Variants in STK3 observed in about 807,000 individuals in gnomAD.
The protein encoded by STK3 is serine/threonine-protein kinase 3.
A neutral mutation model predicts 58.0 loss-of-function variants in STK3; 41 were observed. That is an observed-to-expected ratio of 0.71 (90% CI 0.55 to 0.92). The LOEUF is 0.92. Among genes scored for constraint, STK3 ranks in the 40% least tolerant of loss-of-function variants. The probability of loss-of-function intolerance (pLI) is 0.00; values close to 1 mark genes in which losing one functional copy is unlikely to be tolerated. For missense variants in STK3, 479 were observed against 602.7 expected (o/e 0.79, Z 2.15); for synonymous variants, 170 against 191.0 (o/e 0.89, Z 0.91).
At chr8:98,584,946 GT>G (rs1310265665) in intron 7 of STK3, among the ~76,000 whole-genome samples, 2 of 150,758 alleles carry the variant, frequency 1.3e-5, no homozygotes, top group African/African-American at 2.4e-5. Flanking sequence ...TGATGGGGTT[GT>G]TTTTTTCTTG....
chr8:98,654,020 G>A (rs1174802105), intron 6 of STK3, among the ~76,000 whole-genome samples: 5 of 152,182 alleles, frequency 3.3e-5, no homozygotes, highest in South Asian at 2.1e-4. Context: ...GCCTGACAGA[G>A]ACACAACCAA....
At chr8:98,928,443 C>T (rs1183572957) in intron 1 of STK3, among the ~76,000 whole-genome samples, 5 of 152,198 alleles carry the variant, frequency 3.3e-5, no homozygotes, top group Admixed American at 6.5e-5. Flanking sequence ...TAAAATATAC[C>T]TATGCATCTC....
intron 1 of STK3, among the ~76,000 whole-genome samples, chr8:98,818,537 AAT>A (rs1491206314): frequency 2.3e-5 from 3 of 133,264 alleles, no homozygotes; most frequent in Non-Finnish European, 4.8e-5. Context: ...ATAAATTATA[AAT>A]GTGTGTGTGT....
At chr8:98,585,936 A>G (rs1314340933) in intron 7 of STK3, among the ~76,000 whole-genome samples, 2 of 152,050 alleles carry the variant, frequency 1.3e-5, no homozygotes, top group Non-Finnish European at 2.9e-5. Flanking sequence ...TGATTTTTGC[A>G]CATTGATTTT....
intron 6 of STK3, among the ~76,000 whole-genome samples, chr8:98,655,717 C>T (rs1405251051): frequency 1.3e-5 from 2 of 151,684 alleles, no homozygotes; most frequent in Non-Finnish European, 2.9e-5. Flanking sequence ...TTTATGCAGC[C>T]AAAAAACACA....
At chr8:98,378,531 T>C (rs966165502) in intron 2 of STK3, among the ~76,000 whole-genome samples, 8 of 152,220 alleles carry the variant, frequency 5.3e-5, no homozygotes, top group African/African-American at 1.4e-4. Context: ...ATCTCTAGGA[T>C]GGATAAAAGA....
At chr8:98,500,206 G>C (rs1823462776) in intron 10 of STK3, among the ~76,000 whole-genome samples, 1 of 151,974 alleles carries the variant, frequency 6.6e-6, no homozygotes, top group Non-Finnish European at 1.5e-5. Context: ...AAACAGATAA[G>C]AGAGAAAAGA....
intron 1 of STK3, among the ~76,000 whole-genome samples, chr8:98,893,534 AAG>A (rs1838335146): frequency 6.7e-6 from 1 of 149,124 alleles, no homozygotes; most frequent in South Asian, 2.2e-4. Flanking sequence ...GAAAGAAAGA[AAG>A]AAAAAGAAAG....
At chr8:98,718,607 C>T (rs1273381464) in intron 4 of STK3, among the ~76,000 whole-genome samples, 1 of 151,980 alleles carries the variant, frequency 6.6e-6, no homozygotes, top group Non-Finnish European at 1.5e-5. Flanking sequence ...AAAATATACA[C>T]CAAAGATCAA....
intron 10 of STK3, among the ~76,000 whole-genome samples, chr8:98,500,529 CA>C (rs958854587): frequency 6.6e-6 from 1 of 152,058 alleles, no homozygotes; most frequent in Admixed American, 6.5e-5. Context: ...TACCCCATGA[CA>C]GGCCCCCATG....
chr8:98,459,954 T>C (rs1413179173), intron 10 of STK3, among the ~76,000 whole-genome samples: 1 of 152,148 alleles, frequency 6.6e-6, no homozygotes, highest in Non-Finnish European at 1.5e-5. Flanking sequence ...AAATGTGGGG[T>C]TGGAGACCCC....
At chr8:98,540,642 T>G (rs1027269289) in intron 9 of STK3, among the ~76,000 whole-genome samples, 1 of 152,174 alleles carries the variant, frequency 6.6e-6, no homozygotes, top group African/African-American at 2.4e-5. Flanking sequence ...AACAATTTAT[T>G]ATTTAACATT....
intron 3 of STK3, among the ~76,000 whole-genome samples, chr8:98,840,583 G>GTATA (rs59274441): frequency 0.01 from 821 of 79,856 alleles, 18 homozygotes; most frequent in Non-Finnish European, 0.013. Flanking sequence ...AGAAAAAAAT[G>GTATA]TATATATATA....
chr8:98,825,509 C>A lies in STK3; in HGVS notation c.26+6G>T, dbSNP rs1389679657. On this transcript the variant is annotated splice_donor_region_variant and intron_variant, in intron 1 of 10. Transcript: ENST00000419617. ...CCCTCCTTCTTCCCGCTCCCCGATT[C>A]GTTACCTCTTAGGCGCCGGCGGCTG... is the stretch of plus-strand genomic sequence containing the variant. The A allele has an allele frequency of 6.9e-7, 1 of 1,458,016 alleles. No individual in the cohort carries two copies. Among genetic ancestry groups the A allele is most frequent in the Non-Finnish European group, 9.1e-7 (1 of 1,099,386 alleles). 90.3% of individuals were successfully genotyped at this position (1,458,016 alleles called of 1,614,324 possible).
At chr8:98,581,364 T>C (rs549501875) in intron 7 of STK3, among the ~76,000 whole-genome samples, 1 of 152,216 alleles carries the variant, frequency 6.6e-6, no homozygotes, top group African/African-American at 2.4e-5. Flanking sequence ...TCCTGCCTGG[T>C]AGGAGTATAA....
chr8:98,602,614 T>C (rs1156636781), intron 6 of STK3, among the ~76,000 whole-genome samples: 1 of 152,222 alleles, frequency 6.6e-6, no homozygotes. Flanking sequence ...TAGTAAAACC[T>C]AAATTTATAC....
intron 3 of STK3, among the ~76,000 whole-genome samples, chr8:98,764,879 T>C (rs976442066): frequency 1.3e-5 from 2 of 152,212 alleles, no homozygotes; most frequent in Admixed American, 6.5e-5. Flanking sequence ...GGACCTTGTA[T>C]GCCACTCTTA....
chr8:98,905,480 G>A, intron 1 of STK3: 1 of 1,224,770 alleles, frequency 8.2e-7, no homozygotes, highest in Non-Finnish European at 1.2e-6. Context: ...CCACGTTGAT[G>A]TTCACCCCAT....
intron 4 of STK3, among the ~76,000 whole-genome samples, chr8:98,709,554 T>C (rs1202117228): frequency 3.3e-5 from 5 of 152,120 alleles, no homozygotes; most frequent in Non-Finnish European, 5.9e-5. Context: ...CAACAAAATA[T>C]AGCACACTCA....
Sources: allele counts gnomAD v4.1 joint callset (sites outside exome capture counted in the v4.1 genomes callset), GRCh38; gene constraint gnomAD v4.1.1; transcripts MANE v1.5; gene names NCBI Gene and HGNC (gene_info 2026-07-23, HGNC 2026-07-21).